The following AKAP19 variants were observed in gnomAD, a reference collection of about 807,000 sequenced individuals.
The protein encoded by AKAP19 is small A-kinase anchoring protein.
At chr2:190,140,264 A>C in the AKAP19 span, among the ~76,000 whole-genome samples, 47 of 152,026 alleles carry the variant, frequency 3.1e-4, no homozygotes, top group Non-Finnish European at 6.2e-4. Flanking sequence ...GCTTTTCCAG[A>C]TACACGGTGC....
the AKAP19 span, among the ~76,000 whole-genome samples, chr2:189,919,531 T>C: frequency 6.6e-6 from 1 of 152,006 alleles, no homozygotes; most frequent in Non-Finnish European, 1.5e-5. Flanking sequence ...ATCGTCTAAG[T>C]TCCCTCCCCT....
chr2:190,082,744 G>A, the AKAP19 span, among the ~76,000 whole-genome samples: 3 of 152,168 alleles, frequency 2.0e-5, no homozygotes, highest in Non-Finnish European at 4.4e-5. Context: ...GGCACAGAAC[G>A]TTTAACTTAT....
chr2:189,917,389 G>A, the AKAP19 span: 7 of 933,628 alleles, frequency 7.5e-6, no homozygotes, highest in Non-Finnish European at 1.2e-5. Context: ...ATTTCCTCAT[G>A]CCAGATCTCA....
the AKAP19 span, among the ~76,000 whole-genome samples, chr2:189,919,414 CT>C: frequency 4.6e-5 from 7 of 151,380 alleles, no homozygotes; most frequent in Admixed American, 3.3e-4. Flanking sequence ...TTTTTACATC[CT>C]TTTTTTTCTT....
chr2:189,982,546 G>A, the AKAP19 span, among the ~76,000 whole-genome samples: 1 of 152,034 alleles, frequency 6.6e-6, no homozygotes, highest in African/African-American at 2.4e-5. Context: ...TGATCCTTTG[G>A]AGGTGTCAAG....
At chr2:189,941,017 A>C in the AKAP19 span, among the ~76,000 whole-genome samples, 1 of 152,216 alleles carries the variant, frequency 6.6e-6, no homozygotes, top group East Asian at 1.9e-4. Context: ...GAAAAGAAGA[A>C]TATAACACAT....
At chr2:190,060,178 CT>C in the AKAP19 span, 1 of 1,613,044 alleles carries the variant, frequency 6.2e-7, no homozygotes, top group Non-Finnish European at 8.5e-7. Flanking sequence ...TTTTGCAACA[CT>C]GTCTTCACAT....
At chr2:190,150,416 T>C in the AKAP19 span, 1 of 152,248 alleles carries the variant, frequency 6.6e-6, no homozygotes, top group Non-Finnish European at 1.5e-5. Flanking sequence ...ACCACTGTTT[T>C]TCACTCGGCT....
the AKAP19 span, among the ~76,000 whole-genome samples, chr2:189,977,874 A>T: frequency 2.0e-5 from 3 of 152,274 alleles, no homozygotes; most frequent in African/African-American, 7.2e-5. Flanking sequence ...CCATAACAGT[A>T]CACATTCAGT....
At chr2:190,134,733 C>A in the AKAP19 span, among the ~76,000 whole-genome samples, 1 of 88,232 alleles carries the variant, frequency 1.1e-5, no homozygotes, top group African/African-American at 4.3e-5. Context: ...TTAATTTATC[C>A]TTCTGTTAAG....
the AKAP19 span, among the ~76,000 whole-genome samples, chr2:189,984,227 G>A: frequency 6.6e-6 from 1 of 152,242 alleles, no homozygotes; most frequent in Non-Finnish European, 1.5e-5. Flanking sequence ...GAGCACTATG[G>A]GAGACTGGAG....
the AKAP19 span, among the ~76,000 whole-genome samples, chr2:190,176,636 C>G: frequency 3.3e-5 from 5 of 152,222 alleles, no homozygotes; most frequent in Admixed American, 6.5e-5. The surrounding 1 kb of genome is among the most constrained non-coding windows in gnomAD (Gnocchi z 4.7). Flanking sequence ...GCATGAGCCA[C>G]GGCATCCGGC....
chr2:190,006,447 A>G, the AKAP19 span, among the ~76,000 whole-genome samples: 1 of 151,718 alleles, frequency 6.6e-6, no homozygotes, highest in Admixed American at 6.6e-5. Context: ...GGAGATCAAG[A>G]CCATCCTGGC....
the AKAP19 span, among the ~76,000 whole-genome samples, chr2:190,113,750 G>A: frequency 6.6e-6 from 1 of 152,180 alleles, no homozygotes; most frequent in African/African-American, 2.4e-5. Flanking sequence ...CCTGGTGGAT[G>A]GAGTCCTAGT....
the AKAP19 span, among the ~76,000 whole-genome samples, chr2:190,078,494 C>G: frequency 1.3e-5 from 2 of 151,832 alleles, no homozygotes; most frequent in Admixed American, 1.3e-4. Context: ...AGCCCAGAAC[C>G]CTTAAAAATA....
the AKAP19 span, among the ~76,000 whole-genome samples, chr2:190,045,464 G>T: frequency 6.6e-6 from 1 of 152,282 alleles, no homozygotes; most frequent in East Asian, 1.9e-4. Flanking sequence ...GCCCAGCGAG[G>T]AGGAATGGGA....
chr2:189,895,769 T>C, the AKAP19 span, among the ~76,000 whole-genome samples: 8 of 152,064 alleles, frequency 5.3e-5, no homozygotes, highest in African/African-American at 1.9e-4. Context: ...ATCAGAACTA[T>C]ATATAAGGAA....
At chr2:189,972,364 A>G in the AKAP19 span, among the ~76,000 whole-genome samples, 2 of 152,148 alleles carry the variant, frequency 1.3e-5, no homozygotes, top group Non-Finnish European at 2.9e-5. Flanking sequence ...TACCAGTACC[A>G]TGCTGTTTTG....
the AKAP19 span, among the ~76,000 whole-genome samples, chr2:189,943,353 C>G: frequency 1.3e-5 from 2 of 152,202 alleles, no homozygotes; most frequent in Admixed American, 6.5e-5. Flanking sequence ...CCCTTGGCAG[C>G]TTCCACATGT....
Sources: gnomAD v4.1 joint callset for allele counts (sites outside exome capture counted in the v4.1 genomes callset) on GRCh38, gnomAD v4.1.1 for gene constraint, Gnocchi (gnomAD v3.1) non-coding constraint, MANE v1.5 for transcripts, NCBI Gene and HGNC (gene_info 2026-07-23, HGNC 2026-07-21) for gene names.